Variants in TYW1 observed in about 807,000 individuals in gnomAD.
TYW1 encodes S-adenosyl-L-methionine-dependent tRNA 4-demethylwyosine synthase TYW1.
A neutral mutation model predicts 96.2 loss-of-function variants in TYW1; 46 were observed. The observed-to-expected ratio is 0.48, with a 90% CI of 0.38 to 0.61. The LOEUF (loss-of-function observed/expected upper bound fraction) is 0.61, where lower values mean the gene tolerates loss of function less well. TYW1 is among the 20% of genes least tolerant of loss of function. TYW1 has a pLI of 0.00. For missense variants in TYW1, 684 were observed against 909.6 expected (o/e 0.75, Z 3.19); for synonymous variants, 274 against 323.0 (o/e 0.85, Z 1.63).
Position 67,018,086 on chromosome 7 carries a change from A to G in TYW1, c.804A>G (p.Ser268=), listed in dbSNP as rs2129243107. Residue 268 remains serine, a synonymous_variant, in exon 6 of 16, where the codon TCA becomes TCG. Coordinates refer to ENST00000359626, the MANE Select transcript of TYW1 (RefSeq NM_018264.4). ...KGKCESHQHG[S]EEREEGSHEQ... The stretch of plus-strand genomic sequence containing the variant: ...AATGTGAATCTCACCAACATGGCTC[A>G]GAGGAGAGGGAGGAAGGATCTCATG... The G allele has an allele frequency of 6.2e-7, 1 of 1,614,154 alleles. No individual in the cohort carries two copies. The highest frequency in any genetic ancestry group is 8.5e-7 in the Non-Finnish European group (1 of 1,180,038).
chr7:67,081,370 C>T lies in TYW1; in HGVS notation c.1275-2060C>T, dbSNP rs866421856. Among the ~76,000 whole-genome samples the T allele has an allele frequency of 7.4e-5, 11 of 148,936 alleles. No homozygotes were observed. The South Asian group carries it at 2.3e-3, about 32-fold the overall frequency. ...TTTCAATTGCTGTTTTTAGAATTCT[C>T]TTTGTCATTGTCTTTTGACAGTTCG... is the stretch of plus-strand genomic sequence containing the variant. On this transcript the variant is annotated intron_variant, in intron 10 of 15. Coordinates refer to ENST00000359626, the MANE Select transcript of TYW1 (RefSeq NM_018264.4).
At chr7:67,213,165 C>T (rs1201733770) in intron 15 of TYW1, among the ~76,000 whole-genome samples, 3 of 138,104 alleles carry the variant, frequency 2.2e-5, no homozygotes, top group Non-Finnish European at 4.8e-5. Context: ...AGCCACCACG[C>T]CCGGCCCTTT....
chr7:67,200,196 G>A (rs1800545945), intron 15 of TYW1, among the ~76,000 whole-genome samples: 2 of 152,114 alleles, frequency 1.3e-5, no homozygotes, highest in Admixed American at 6.5e-5. Flanking sequence ...TCTCTATAAT[G>A]TTTGTTGAAT....
chr7:67,134,083 A>AT (rs1274104781), intron 13 of TYW1, among the ~76,000 whole-genome samples: 2 of 151,880 alleles, frequency 1.3e-5, no homozygotes, highest in African/African-American at 2.4e-5. Context: ...AAGCAGAGAC[A>AT]TTTTCTCATT....
chr7:67,119,586 C>T (rs990870917), intron 13 of TYW1, among the ~76,000 whole-genome samples: 4 of 152,098 alleles, frequency 2.6e-5, no homozygotes, highest in African/African-American at 9.7e-5. Context: ...CCTCCTAGAC[C>T]CAGTTTTGTG....
At chr7:67,011,512 A>G (rs1182917590) in intron 4 of TYW1, among the ~76,000 whole-genome samples, 1 of 152,178 alleles carries the variant, frequency 6.6e-6, no homozygotes, top group East Asian at 1.9e-4. Context: ...GCAGAATCTC[A>G]GGTCTTAGCC....
intron 8 of TYW1, 71 bp downstream of exon 8, chr7:67,050,137 G>GTC: frequency 6.5e-7 from 1 of 1,549,494 alleles, no homozygotes; most frequent in Non-Finnish European, 8.9e-7. Context: ...CTGGAATGAA[G>GTC]TCTCTCTCTA....
At chr7:67,114,590 A>G (rs1797532770) in intron 12 of TYW1, among the ~76,000 whole-genome samples, 3 of 152,306 alleles carry the variant, frequency 2.0e-5, no homozygotes, top group African/African-American at 7.2e-5. Flanking sequence ...AGCAGAGGAT[A>G]TCCTTTTTAA....
intron 9 of TYW1, among the ~76,000 whole-genome samples, chr7:67,056,410 T>C (rs1177492120): frequency 2.0e-5 from 3 of 150,930 alleles, no homozygotes; most frequent in Admixed American, 6.6e-5. Context: ...GAGAATCACT[T>C]GAACCCAGGA....
intron 5 of TYW1, among the ~76,000 whole-genome samples, chr7:67,015,606 G>A (rs1793988661): frequency 6.6e-6 from 1 of 152,108 alleles, no homozygotes; most frequent in African/African-American, 2.4e-5. Context: ...ACCCACCTCA[G>A]CCTCCCAAAT....
At chr7:67,200,757 G>A (rs1319320204) in intron 15 of TYW1, among the ~76,000 whole-genome samples, 2 of 152,194 alleles carry the variant, frequency 1.3e-5, no homozygotes, top group Non-Finnish European at 2.9e-5. Flanking sequence ...CTCAATGGGT[G>A]CATTCTGAGG....
chr7:67,132,601 G>A (rs1286492207), intron 13 of TYW1, among the ~76,000 whole-genome samples: 2 of 151,930 alleles, frequency 1.3e-5, no homozygotes, highest in Admixed American at 6.6e-5. Context: ...CAGTTCAGTG[G>A]TATCATGTAC....
At chr7:67,041,079 A>G (rs891757101) in intron 7 of TYW1, among the ~76,000 whole-genome samples, 1 of 152,140 alleles carries the variant, frequency 6.6e-6, no homozygotes, top group African/African-American at 2.4e-5. Context: ...TCTCATAAAA[A>G]TCTCTCATAA....
chr7:67,029,405 G>GTATATATA (rs1277791560), intron 7 of TYW1, among the ~76,000 whole-genome samples: 123 of 89,146 alleles, frequency 1.4e-3, no homozygotes, highest in African/African-American at 3.5e-3. Flanking sequence ...GTGTGTGTGT[G>GTATATATA]TGTGTGTGTG....
At chr7:67,048,175 A>G (rs1257187017) in intron 7 of TYW1, among the ~76,000 whole-genome samples, 1 of 142,436 alleles carries the variant, frequency 7.0e-6, no homozygotes, top group Non-Finnish European at 1.5e-5. Context: ...ATCAACCAGC[A>G]ACTTATGGGC....
chr7:67,158,232 G>A (rs982490775), intron 13 of TYW1, among the ~76,000 whole-genome samples: 9 of 151,872 alleles, frequency 5.9e-5, no homozygotes, highest in Admixed American at 5.9e-4. Context: ...GGGATTACAG[G>A]TGTGCGCCAC....
At chr7:67,128,762 C>T (rs113552870) in intron 13 of TYW1, among the ~76,000 whole-genome samples, 32 of 149,734 alleles carry the variant, frequency 2.1e-4, no homozygotes, top group Non-Finnish European at 1.2e-4. Context: ...GATCTTGGCT[C>T]ACTGCAACTT....
chr7:67,159,887 G>C lies in TYW1; in HGVS notation c.1699-23239G>C, dbSNP rs376539295. Among the ~76,000 whole-genome samples the C allele has an allele frequency of 3.3e-5, 5 of 151,942 alleles. No individual in the cohort carries two copies. The East Asian group carries it at 5.8e-4, about 18-fold the overall frequency. On this transcript the variant is annotated intron_variant, in intron 13 of 15. Transcript: ENST00000359626. ...ACAATCTCGGCTCACTGCAAGCTCT[G>C]CCTCCCGGGTTCACGCCATTCTCCT...
chr7:67,173,056 T>C (rs1390690516), intron 13 of TYW1, among the ~76,000 whole-genome samples: 5 of 152,250 alleles, frequency 3.3e-5, no homozygotes, highest in African/African-American at 9.6e-5. Context: ...ACAAAAAAAT[T>C]AAAAACAAAA....
Sources: allele counts gnomAD v4.1 joint callset (sites outside exome capture counted in the v4.1 genomes callset), GRCh38; gene constraint gnomAD v4.1.1; transcripts MANE v1.5; gene names NCBI Gene and HGNC (gene_info 2026-07-23, HGNC 2026-07-21).